Variants in CIAO3 observed in about 807,000 individuals in gnomAD.
CIAO3 encodes cytosolic iron-sulfur assembly component 3.
In CIAO3, 45 loss-of-function variants were observed where a neutral mutation model predicts 51.5. The observed-to-expected ratio is 0.87, with a 90% CI of 0.69 to 1.12. CIAO3 has a LOEUF of 1.12. Ranked by LOEUF, CIAO3 falls within the 50% of genes most tolerant of loss-of-function variation. CIAO3 has a pLI of 0.00. For synonymous variants in CIAO3, 314 were observed against 269.3 expected, an observed-to-expected ratio of 1.17 and a Z score of -1.63; for missense variants, 668 against 632.5, an observed-to-expected ratio of 1.06 and a Z score of -0.60.
chr16:740,764 C>T, intron 1 of CIAO3, 156 bp downstream of exon 1: 1 of 690,070 alleles, frequency 1.4e-6, no homozygotes, highest in South Asian at 1.9e-5. Context: ...TGTCTGAGGC[C>T]CCGCGCCCGG....
intron 2 of CIAO3, chr16:739,171 C>A (rs1324964932): frequency 2.5e-5 from 4 of 157,944 alleles, no homozygotes; most frequent in Non-Finnish European, 4.2e-5. Flanking sequence ...TGGTGGTGGC[C>A]GCCTGTAGTC....
intron 6 of CIAO3, 73 bp downstream of exon 6, chr16:734,156 C>T (rs2041313598): frequency 3.0e-6 from 4 of 1,343,044 alleles, no homozygotes; most frequent in East Asian, 2.3e-5. Flanking sequence ...CCTGCAGCCT[C>T]ATGGCAAGAG....
intron 1 of CIAO3, 195 bp from the exon 2 acceptor site, chr16:739,933 C>A: frequency 7.2e-7 from 1 of 1,384,394 alleles, no homozygotes. Context: ...TCCCAACATC[C>A]TGCGGCACTG....
chr16:732,721 C>A, intron 7 of CIAO3: 1 of 363,882 alleles, frequency 2.7e-6, no homozygotes, highest in South Asian at 2.2e-5. Context: ...ACTACGACCT[C>A]TGCCCCCCGG....
rs1171695661 is a variant in CIAO3, at chr16:734,334, A to G, written c.588T>C (p.Tyr196=). Residue 196 remains tyrosine (Y), a synonymous_variant, in exon 6 of 11, where the codon TAT becomes TAC. Coordinates refer to ENST00000251588, the MANE Select transcript of CIAO3 (RefSeq NM_022493.3). ...LASACPGWIC[Y]AEKTHGSFIL... Reference sequence around the variant, plus strand: ...TGAAGCTGCCGTGAGTCTTCTCGGCATAGCAGATCCAGCCTGAGGTGACAG... The same window carrying G: ...TGAAGCTGCCGTGAGTCTTCTCGGCGTAGCAGATCCAGCCTGAGGTGACAG... The G allele has an allele frequency of 3.1e-6, 5 of 1,610,524 alleles. No individual in the cohort carries two copies. Among genetic ancestry groups the G allele is most frequent in the Admixed American group, 3.3e-5 (2 of 59,998 alleles).
At chr16:733,134 A>C in intron 7 of CIAO3, 164 bp downstream of exon 7, 1 of 868,452 alleles carries the variant, frequency 1.2e-6, no homozygotes, top group Non-Finnish European at 1.7e-6. Context: ...AAATGGGCCC[A>C]CCTGGCTCCA....
chr16:732,538 A>G (rs762856259), intron 7 of CIAO3, 165 bp from the exon 8 acceptor site: 71 of 781,382 alleles, frequency 9.1e-5, no homozygotes, highest in Admixed American at 1.4e-4. Flanking sequence ...TCACTCCTGA[A>G]GCCCCTCTGG....
intron 1 of CIAO3, 150 bp from the exon 2 acceptor site, chr16:739,888 C>T: frequency 4.1e-6 from 5 of 1,205,098 alleles, no homozygotes; most frequent in Non-Finnish European, 4.7e-6. Flanking sequence ...CCACCGTCTT[C>T]TTCCTGCCCC....
chr16:736,391 G>A lies in CIAO3; in HGVS notation c.314C>T (p.Ala105Val), dbSNP rs761159804. The A allele has an allele frequency of 7.4e-6, 12 of 1,612,626 alleles. No individual in the cohort carries two copies. The highest frequency in any genetic ancestry group is 9.3e-6 in the Non-Finnish European group (11 of 1,179,802). ...KKVLDANKMA[A>V]PSQQRLVVVS... ...TACAACCAGCCTCTGCTGACTGGGT[G>A]CCGCCATCTGCAAAGCAAGGGGAAG... The change falls in exon 4 of 11, where the codon GCA (alanine) becomes GTA (valine). Residue 105 changes from alanine to valine, a missense_variant. By Grantham distance (64) the Ala-to-Val change is moderately conservative. Transcript: ENST00000251588.
At chr16:736,943 C>T (rs912248137) in intron 3 of CIAO3, 4 of 521,442 alleles carry the variant, frequency 7.7e-6, no homozygotes, top group Admixed American at 6.5e-5. Flanking sequence ...GTATGACAGG[C>T]GTGAGCCCCC....
Position 737,545 on chromosome 16 carries a change from G to A in CIAO3, c.163-216C>T. On this transcript the variant is annotated intron_variant, in intron 2 of 10. Coordinates refer to ENST00000251588, the MANE Select transcript of CIAO3 (RefSeq NM_022493.3). The surrounding 1 kb of genome is among the most constrained non-coding windows in gnomAD (Gnocchi z 5.3). Reference sequence around the variant, plus strand: ...TCAAGTCTGCTTCTTGGTACCACTTGGTTAGTGCATCCGAATCACAGGACT... The same window carrying A: ...TCAAGTCTGCTTCTTGGTACCACTTAGTTAGTGCATCCGAATCACAGGACT... 2 of 1,507,122 alleles carry A rather than the reference G, an allele frequency of 1.3e-6. No individual in the cohort carries two copies. The highest frequency in any genetic ancestry group is 1.7e-4 in the Middle Eastern group (1 of 5,854). 93.4% of individuals were successfully genotyped at this position (1,507,122 alleles called of 1,614,324 possible). A position where few individuals can be genotyped will look rare whatever the true frequency, so the allele number is the denominator to read the frequency against.
At chr16:733,834 A>G (rs1377505929) in intron 6 of CIAO3, 3 of 360,266 alleles carry the variant, frequency 8.3e-6, no homozygotes, top group Non-Finnish European at 1.6e-5. Context: ...CCCAGGCACC[A>G]CCGGGGCCGC....
intron 1 of CIAO3, chr16:740,507 A>G: frequency 3.3e-6 from 1 of 301,666 alleles, no homozygotes; most frequent in Non-Finnish European, 6.4e-6. Flanking sequence ...CGTCCTGCGC[A>G]GGGGAAGGGG....
At position 737,632 on chromosome 16, in the gene CIAO3, A is replaced by G; in HGVS notation, c.163-303T>C. The stretch of plus-strand genomic sequence containing the variant: ...ACCCCACTCACCCATGGGGCCCTGG[A>G]CGGGGTGCTGGCCCCGGTGCACACT... On this transcript the variant is annotated intron_variant, in intron 2 of 10. Coordinates refer to ENST00000251588, the MANE Select transcript of CIAO3 (RefSeq NM_022493.3). The surrounding 1 kb of genome is among the most constrained non-coding windows in gnomAD (Gnocchi z 5.3). 1 of 1,369,548 alleles carries G rather than the reference A, an allele frequency of 7.3e-7. No homozygotes were observed. The highest frequency in any genetic ancestry group is 9.6e-7 in the Non-Finnish European group (1 of 1,041,780). The allele number at this position is 1,369,548 out of a possible 1,614,324, so 84.8% of individuals were successfully genotyped here.
At chr16:734,517 G>A in intron 5 of CIAO3, 170 bp from the exon 6 acceptor site, 1 of 907,448 alleles carries the variant, frequency 1.1e-6, no homozygotes, top group East Asian at 2.6e-5. Flanking sequence ...CGGCGTGCAG[G>A]CGACACCGCC....
Position 737,754 on chromosome 16 carries a change from G to C in CIAO3, c.163-425C>G. The stretch of plus-strand genomic sequence containing the variant: ...GGAGGAAAGGACGAAGGCACAGGAA[G>C]AGGAGAGCAGAGGGAGGAAGCCTGG... On this transcript the variant is annotated intron_variant, in intron 2 of 10. Coordinates refer to ENST00000251588, the MANE Select transcript of CIAO3 (RefSeq NM_022493.3). This position sits in a 1 kb window ranked among gnomAD's most constrained non-coding sequence, Gnocchi z 5.3. 1 of 1,252,290 alleles carries C rather than the reference G, an allele frequency of 8.0e-7. No individual in the cohort carries two copies. Among genetic ancestry groups the C allele is most frequent in the Non-Finnish European group, 1.0e-6 (1 of 969,846 alleles). The allele number at this position is 1,252,290 out of a possible 1,614,324, so 77.6% of individuals were successfully genotyped here.
rs1193226575 is a variant in CIAO3, at chr16:734,134, A to C, written c.693+95T>G. 4 of 1,090,370 alleles carry C rather than the reference A, an allele frequency of 3.7e-6. No individual in the cohort carries two copies. The East Asian group carries it at 9.4e-5, about 26-fold the overall frequency. The allele number at this position is 1,090,370 out of a possible 1,614,324, so 67.5% of individuals were successfully genotyped here. On this transcript the variant is annotated intron_variant, in intron 6 of 10. Coordinates refer to ENST00000251588, the MANE Select transcript of CIAO3 (RefSeq NM_022493.3). ...CTGGGGAAGGCCGCACAGCACAGCG[A>C]GGACTCTGTTTCCTGCAGCCTCATG...
Position 737,813 on chromosome 16 carries a change from C to A in CIAO3, c.163-484G>T. Reference sequence around the variant, plus strand: ...CCTCCGGTGGGCGGGGCAGAAACAACCGTCAGACTCGCCAAACAGATGCAG... The same window carrying A: ...CCTCCGGTGGGCGGGGCAGAAACAAACGTCAGACTCGCCAAACAGATGCAG... On this transcript the variant is annotated intron_variant, in intron 2 of 10. Coordinates refer to ENST00000251588, the MANE Select transcript of CIAO3 (RefSeq NM_022493.3). This position sits in a 1 kb window ranked among gnomAD's most constrained non-coding sequence, Gnocchi z 5.3. 8.4e-7 allele frequency: 1 copy of A among 1,193,696 alleles called. No individual in the cohort carries two copies. The highest frequency in any genetic ancestry group is 1.1e-6 in the Non-Finnish European group (1 of 943,256). The allele number at this position is 1,193,696 out of a possible 1,614,324, so 73.9% of individuals were successfully genotyped here.
At chr16:734,187 C>T in intron 6 of CIAO3, 42 bp downstream of exon 6, 1 of 1,569,234 alleles carries the variant, frequency 6.4e-7, no homozygotes, top group Admixed American at 1.7e-5. Flanking sequence ...TCACTTCTGG[C>T]CGCTCCCCAG....
Sources: gnomAD v4.1 joint callset for allele counts on GRCh38, gnomAD v4.1.1 for gene constraint, Gnocchi (gnomAD v3.1) non-coding constraint, MANE v1.5 for transcripts, NCBI Gene and HGNC (gene_info 2026-07-23, HGNC 2026-07-21) for gene names.